Variants in AGBL4 observed in about 807,000 individuals in gnomAD.
AGBL4 encodes the protein cytosolic carboxypeptidase 6.
A neutral mutation model predicts 66.4 loss-of-function variants in AGBL4; 58 were observed. That is an observed-to-expected ratio of 0.87 (90% confidence interval 0.71 to 1.09). The LOEUF (loss-of-function observed/expected upper bound fraction) is 1.09, where lower values mean the gene tolerates loss of function less well. Among genes scored for constraint, AGBL4 ranks in the 50% least tolerant of loss-of-function variants. The pLI, the probability that AGBL4 is intolerant of heterozygous loss-of-function variation, is 0.00. For missense variants in AGBL4, 579 were observed against 631.0 expected, an observed-to-expected ratio of 0.92 and a Z score of 0.88; for synonymous variants, 234 against 222.9, an observed-to-expected ratio of 1.05 and a Z score of -0.44.
At chr1:48,911,323 A>T (rs1470428958) in intron 5 of AGBL4, among the ~76,000 whole-genome samples, 2 of 152,152 alleles carry the variant, frequency 1.3e-5, no homozygotes, top group African/African-American at 4.8e-5. Context: ...TAAATTAGAA[A>T]TCATAAGGAC....
chr1:48,952,216 A>C (rs1657051554), intron 5 of AGBL4, among the ~76,000 whole-genome samples: 1 of 152,198 alleles, frequency 6.6e-6, no homozygotes, highest in Non-Finnish European at 1.5e-5. Context: ...CATTTTATTC[A>C]CTTATTTGTT....
At chr1:49,250,566 C>T (rs1049219699) in intron 3 of AGBL4, among the ~76,000 whole-genome samples, 8 of 151,572 alleles carry the variant, frequency 5.3e-5, no homozygotes, top group African/African-American at 1.7e-4. Flanking sequence ...GCCTCAGCCT[C>T]CTGAGTAGCT....
intron 4 of AGBL4, among the ~76,000 whole-genome samples, chr1:49,230,108 C>T (rs1036859503): frequency 6.6e-6 from 1 of 152,138 alleles, no homozygotes; most frequent in Non-Finnish European, 1.5e-5. Flanking sequence ...TGAAGCTACC[C>T]ATGTAGCTGC....
intron 5 of AGBL4, among the ~76,000 whole-genome samples, chr1:48,942,090 A>C (rs1265920648): frequency 6.6e-6 from 1 of 152,332 alleles, no homozygotes; most frequent in South Asian, 2.1e-4. Context: ...GTTAGTAATC[A>C]TAGATATAGT....
chr1:50,014,182 C>T (rs1259550917), intron 1 of AGBL4, among the ~76,000 whole-genome samples: 1 of 151,902 alleles, frequency 6.6e-6, no homozygotes, highest in East Asian at 1.9e-4. Context: ...ACCATCATGG[C>T]CAACACGGTG....
chr1:49,825,640 T>C (rs1397353390), intron 2 of AGBL4, among the ~76,000 whole-genome samples: 1 of 152,202 alleles, frequency 6.6e-6, no homozygotes, highest in East Asian at 1.9e-4. Context: ...TTGCCCTCCA[T>C]AATGTGGGTA....
chr1:49,766,934 T>C (rs1397709266), intron 2 of AGBL4, among the ~76,000 whole-genome samples: 1 of 152,116 alleles, frequency 6.6e-6, no homozygotes, highest in Non-Finnish European at 1.5e-5. Context: ...CACAATATTA[T>C]AGCACCCAGA....
At chr1:49,685,033 T>C (rs1309081732) in intron 3 of AGBL4, among the ~76,000 whole-genome samples, 2 of 152,122 alleles carry the variant, frequency 1.3e-5, no homozygotes, top group Non-Finnish European at 2.9e-5. Context: ...ACTCAATGGG[T>C]AGTTTTTTGA....
intron 9 of AGBL4, among the ~76,000 whole-genome samples, chr1:48,625,887 T>A (rs1000966068): frequency 1.3e-5 from 2 of 151,996 alleles, no homozygotes; most frequent in African/African-American, 4.8e-5. Context: ...AAAAACCATG[T>A]CTTTTATCAC....
chr1:49,754,040 G>A (rs939698136), intron 2 of AGBL4, among the ~76,000 whole-genome samples: 1 of 152,092 alleles, frequency 6.6e-6, no homozygotes, highest in African/African-American at 2.4e-5. Context: ...AGAGGATTTT[G>A]TTATTACCCA....
intron 9 of AGBL4, among the ~76,000 whole-genome samples, chr1:48,606,809 C>A (rs565733417): frequency 2.0e-5 from 3 of 152,304 alleles, no homozygotes; most frequent in African/African-American, 7.2e-5. Context: ...TTCCATCCTG[C>A]AGCCAGAGTG....
chr1:48,691,253 A>C (rs1405613731), intron 6 of AGBL4, among the ~76,000 whole-genome samples: 2 of 150,882 alleles, frequency 1.3e-5, no homozygotes, highest in Non-Finnish European at 2.9e-5. Flanking sequence ...TTAATATATA[A>C]TCTATATTAA....
At chr1:48,566,510 C>G (rs1411206279) in intron 11 of AGBL4, among the ~76,000 whole-genome samples, 2 of 152,186 alleles carry the variant, frequency 1.3e-5, no homozygotes, top group African/African-American at 4.8e-5. Flanking sequence ...TGGGTCAAAC[C>G]CAAGCTCTAC....
At chr1:49,121,141 T>C (rs993023295) in intron 4 of AGBL4, among the ~76,000 whole-genome samples, 1 of 152,218 alleles carries the variant, frequency 6.6e-6, no homozygotes. Context: ...TTCCTTGTGA[T>C]GGGTTCGAAC....
intron 3 of AGBL4, among the ~76,000 whole-genome samples, chr1:49,346,578 C>G (rs942191232): frequency 6.6e-6 from 1 of 152,136 alleles, no homozygotes; most frequent in Non-Finnish European, 1.5e-5. Flanking sequence ...TTAAATTGAA[C>G]ACTTATTTGT....
chr1:48,877,614 T>C (rs1206480177), intron 5 of AGBL4, among the ~76,000 whole-genome samples: 1 of 151,328 alleles, frequency 6.6e-6, no homozygotes. Context: ...GAGAAAAAAA[T>C]AAGGATAGGC....
intron 3 of AGBL4, among the ~76,000 whole-genome samples, chr1:49,629,070 A>G (rs571295628): frequency 6.6e-6 from 1 of 152,238 alleles, no homozygotes; most frequent in Admixed American, 6.5e-5. Context: ...CCTTTTAAAA[A>G]GGGGTCATCA....
At chr1:48,871,308 A>C (rs532783768) in intron 5 of AGBL4, among the ~76,000 whole-genome samples, 1 of 151,862 alleles carries the variant, frequency 6.6e-6, no homozygotes, top group African/African-American at 2.4e-5. Context: ...TCTGACCAAA[A>C]GCTACAGTCT....
In AGBL4 at chr1:49,766,400, T is replaced by C. The variant is rs542869534; in HGVS notation, c.158-68963A>G. On this transcript the variant is annotated intron_variant, in intron 2 of 13. Coordinates refer to ENST00000371839, the MANE Select transcript of AGBL4 (RefSeq NM_032785.4). The stretch of plus-strand genomic sequence containing the variant: ...GATGAGAAATCACTAAGGGAATTCA[T>C]TACCACTAGACAAGCCTTACAAGAG... Among the ~76,000 whole-genome samples, 4 of 152,240 alleles carry C rather than the reference T, an allele frequency of 2.6e-5. No individual in the cohort carries two copies. The South Asian group carries it at 8.3e-4, about 32-fold the overall frequency.
Sources: gnomAD v4.1 joint callset for allele counts (sites outside exome capture counted in the v4.1 genomes callset) on GRCh38, gnomAD v4.1.1 for gene constraint, MANE v1.5 for transcripts, NCBI Gene and HGNC (gene_info 2026-07-23, HGNC 2026-07-21) for gene names.